The following USP13 variants were observed in gnomAD, a reference collection of about 807,000 sequenced individuals.
The protein encoded by USP13 is ubiquitin carboxyl-terminal hydrolase 13.
A neutral mutation model predicts 107.8 loss-of-function variants in USP13; 68 were observed. The observed-to-expected ratio is 0.63, with a 90% CI of 0.52 to 0.77. USP13 has a LOEUF of 0.77. USP13 is among the 30% of genes least tolerant of loss of function. The pLI is 0.00. For synonymous variants in USP13, 377 were observed against 389.5 expected (o/e 0.97, Z 0.38); for missense variants, 945 against 1,093.3 (o/e 0.86, Z 1.91).
At chr3:179,730,072 G>A in intron 8 of USP13, 117 bp from the exon 9 acceptor site, 1 of 906,594 alleles carries the variant, frequency 1.1e-6, no homozygotes, top group Non-Finnish European at 1.7e-6. Flanking sequence ...TTTTCTTCAG[G>A]TAGATTGTTT....
intron 19 of USP13, among the ~76,000 whole-genome samples, chr3:179,768,365 C>G (rs1175744984): frequency 6.6e-6 from 1 of 152,190 alleles, no homozygotes; most frequent in Non-Finnish European, 1.5e-5. Context: ...TCAGGGCTTA[C>G]TCTACCTCAG....
chr3:179,717,598 A>G (rs892341661), intron 6 of USP13, among the ~76,000 whole-genome samples: 1 of 152,224 alleles, frequency 6.6e-6, no homozygotes, highest in African/African-American at 2.4e-5. Flanking sequence ...TTAGAGGCTT[A>G]AAGTCTTAAG....
chr3:179,756,226 C>A (rs184452341), intron 15 of USP13, among the ~76,000 whole-genome samples: 30 of 152,134 alleles, frequency 2.0e-4, no homozygotes, highest in African/African-American at 7.0e-4. Context: ...AGATTAAGAC[C>A]ATCCTGGCCA....
At chr3:179,680,821 A>ACTTTCTTTCTTCTATCTTTC (rs1560046343) in intron 1 of USP13, among the ~76,000 whole-genome samples, 15 of 147,134 alleles carry the variant, frequency 1.0e-4, no homozygotes, top group Admixed American at 1.4e-4. Context: ...GATTACAGGC[A>ACTTTCTTTCTTCTATCTTTC]TGAGTCACCG....
chr3:179,764,036 AG>A lies in USP13; in HGVS notation c.2131del (p.Ala711GlnfsTer23). On this transcript the variant is annotated frameshift_variant, in exon 18 of 21. Transcript: ENST00000263966. LOFTEE classifies it high-confidence loss of function. ...AGCCGCTGACCATGCCTGGTTATGG[AG>A]GGGCAGCTTCTGCTGGAGCCTCTGT... is the stretch of plus-strand genomic sequence containing the variant. ...AEPLTMPGYG[G>X]AASAGASVFG... 1 of 1,610,328 alleles carries A rather than the reference AG, an allele frequency of 6.2e-7. No individual in the cohort carries two copies. Among genetic ancestry groups the A allele is most frequent in the Non-Finnish European group, 8.5e-7 (1 of 1,179,020 alleles).
At chr3:179,756,957 G>A (rs1380913822) in intron 15 of USP13, 95 bp from the exon 16 acceptor site, 1 of 1,302,616 alleles carries the variant, frequency 7.7e-7, no homozygotes, top group Non-Finnish European at 1.1e-6. Context: ...GAGTGGGGAG[G>A]GCATTGGAAA....
At chr3:179,719,529 A>G (rs546169771) in intron 6 of USP13, among the ~76,000 whole-genome samples, 1 of 152,240 alleles carries the variant, frequency 6.6e-6, no homozygotes, top group Non-Finnish European at 1.5e-5. Flanking sequence ...GTTCCCCCGG[A>G]GGTCCCCCCT....
intron 14 of USP13, among the ~76,000 whole-genome samples, chr3:179,753,298 A>C (rs372439147): frequency 6.6e-6 from 1 of 152,154 alleles, no homozygotes; most frequent in Non-Finnish European, 1.5e-5. Flanking sequence ...TTGCCACGTG[A>C]AATTGTGCTG....
chr3:179,782,009 C>A (rs897798334), intron 20 of USP13, among the ~76,000 whole-genome samples, 186 bp downstream of exon 20: 1 of 151,786 alleles, frequency 6.6e-6, no homozygotes, highest in African/African-American at 2.4e-5. Context: ...ATAGCTTGAC[C>A]TTAGCTAGTA....
chr3:179,693,127 C>T (rs1479547540), intron 3 of USP13, among the ~76,000 whole-genome samples: 1 of 152,002 alleles, frequency 6.6e-6, no homozygotes, highest in Non-Finnish European at 1.5e-5. Context: ...ACAAATTTAC[C>T]TCCGTCATCC....
In USP13 at chr3:179,653,544, G is replaced by T; in HGVS notation, c.168+151G>T. ...AACACTGCAGTTCGGCAGACACTTAGTGAGCGCCCCAGGGCTGCTGCAGCC... is the reference window on the plus strand; with the variant it reads ...AACACTGCAGTTCGGCAGACACTTATTGAGCGCCCCAGGGCTGCTGCAGCC... On this transcript the variant is annotated intron_variant, in intron 1 of 20. Coordinates refer to ENST00000263966, the MANE Select transcript of USP13 (RefSeq NM_003940.3). This position sits in a 1 kb window ranked among gnomAD's most constrained non-coding sequence, Gnocchi z 4.0. 1 of 1,118,430 alleles carries T rather than the reference G, an allele frequency of 8.9e-7. No homozygotes were observed. Among genetic ancestry groups the T allele is most frequent in the South Asian group, 1.6e-5 (1 of 61,770 alleles). The allele number at this position is 1,118,430 out of a possible 1,614,324, so 69.3% of individuals were successfully genotyped here.
In USP13 at chr3:179,740,769, C is replaced by CTTTTTT. The variant is rs768697378; in HGVS notation, c.1380+407_1380+412dup. The stretch of plus-strand genomic sequence containing the variant: ...CATCAGAATCGAATGCCATTAAAAA[C>CTTTTTT]TTTTTTTTTTTTTTTGAGACTGAGT... On this transcript the variant is annotated intron_variant, in intron 11 of 20. Transcript: ENST00000263966. Among the ~76,000 whole-genome samples the CTTTTTT allele has an allele frequency of 2.1e-3, 299 of 143,472 alleles. 1 individual carries two copies. The highest frequency in any genetic ancestry group is 7.3e-3 in the African/African-American group (286 of 39,224). 94.1% of individuals were successfully genotyped at this position (143,472 alleles called of 152,430 possible).
chr3:179,701,891 G>C (rs963905150), intron 4 of USP13, among the ~76,000 whole-genome samples: 1 of 152,108 alleles, frequency 6.6e-6, no homozygotes, highest in Admixed American at 6.6e-5. Context: ...TTCGATTCTC[G>C]CGTGCTGGAA....
At chr3:179,657,283 C>T (rs575518615) in intron 1 of USP13, among the ~76,000 whole-genome samples, 3 of 151,884 alleles carry the variant, frequency 2.0e-5, no homozygotes, top group South Asian at 4.2e-4. Flanking sequence ...TTTGGGAGGC[C>T]GAGGCAGGTG....
chr3:179,709,952 A>T (rs1712862374), intron 6 of USP13, among the ~76,000 whole-genome samples: 1 of 150,832 alleles, frequency 6.6e-6, no homozygotes, highest in Non-Finnish European at 1.5e-5. Context: ...GACATGGCTC[A>T]CCAATCATTG....
Position 179,653,727 on chromosome 3 carries a change from T to A in USP13, c.168+334T>A. The A allele has an allele frequency of 4.4e-6, 1 of 228,102 alleles. No homozygotes were observed. The highest frequency in any genetic ancestry group is 8.7e-6 in the Non-Finnish European group (1 of 115,374). The allele number at this position is 228,102 out of a possible 1,614,324, so 14.1% of individuals were successfully genotyped here. A position where few individuals can be genotyped will look rare whatever the true frequency, so the allele number is the denominator to read the frequency against. ...TGCACGTTGCAGATCGTTTGCGTCC[T>A]CCGCGGGGCAGAGCGCAGGGCGGGT... is the stretch of plus-strand genomic sequence containing the variant. On this transcript the variant is annotated intron_variant, in intron 1 of 20. Transcript: ENST00000263966. The surrounding 1 kb of genome is among the most constrained non-coding windows in gnomAD (Gnocchi z 4.0).
intron 3 of USP13, among the ~76,000 whole-genome samples, chr3:179,692,924 C>T (rs1403119013): frequency 6.6e-6 from 1 of 152,106 alleles, no homozygotes; most frequent in East Asian, 1.9e-4. Context: ...GGACTACCTA[C>T]CATTTTGTTT....
chr3:179,692,038 T>G (rs1712133929), intron 3 of USP13, among the ~76,000 whole-genome samples: 1 of 152,238 alleles, frequency 6.6e-6, no homozygotes, highest in African/African-American at 2.4e-5. Flanking sequence ...TATACAGATA[T>G]AGACATGTAT....
intron 8 of USP13, among the ~76,000 whole-genome samples, chr3:179,723,125 A>G (rs1049459171): frequency 6.6e-6 from 1 of 152,220 alleles, no homozygotes; most frequent in African/African-American, 2.4e-5. Flanking sequence ...GTGACATGCC[A>G]GGAATAGTCC....
Sources: gnomAD v4.1 joint callset for allele counts (sites outside exome capture counted in the v4.1 genomes callset) on GRCh38, gnomAD v4.1.1 for gene constraint, Gnocchi (gnomAD v3.1) non-coding constraint, MANE v1.5 for transcripts, NCBI Gene and HGNC (gene_info 2026-07-23, HGNC 2026-07-21) for gene names.